BTBD9: variants seen among roughly 807,000 people sequenced by gnomAD.
The protein encoded by BTBD9 is BTB domain containing 9.
In BTBD9, 49 loss-of-function variants were observed where a neutral mutation model predicts 64.3. The ratio of observed to expected loss-of-function variants is 0.76; its 90% CI spans 0.61 to 0.97. The LOEUF is 0.97. Ranked by LOEUF, BTBD9 falls within the 50% of genes least tolerant of loss-of-function variation. The probability of loss-of-function intolerance (pLI) is 0.00; values close to 1 mark genes in which losing one functional copy is unlikely to be tolerated. For synonymous variants in BTBD9, 260 were observed against 274.7 expected (o/e 0.95, Z 0.53); for missense variants, 598 against 762.1 (o/e 0.78, Z 2.53).
chr6:38,376,637 T>A (rs1230886370), intron 6 of BTBD9, among the ~76,000 whole-genome samples: 1 of 152,180 alleles, frequency 6.6e-6, no homozygotes, highest in African/African-American at 2.4e-5. Context: ...ATATAAATCA[T>A]TAACCCCTAA....
intron 10 of BTBD9, among the ~76,000 whole-genome samples, chr6:38,185,454 T>C (rs1761774811): frequency 6.6e-6 from 1 of 152,210 alleles, no homozygotes; most frequent in Non-Finnish European, 1.5e-5. Context: ...CATTGCCGTC[T>C]ATTATGCCTT....
At chr6:38,216,445 C>T (rs551641769) in intron 9 of BTBD9, among the ~76,000 whole-genome samples, 84 of 152,160 alleles carry the variant, frequency 5.5e-4, no homozygotes, top group African/African-American at 1.9e-3. Flanking sequence ...AAGCCTTCTG[C>T]AGAAATGGAA....
At chr6:38,517,333 C>T (rs989788165) in intron 6 of BTBD9, among the ~76,000 whole-genome samples, 1 of 152,116 alleles carries the variant, frequency 6.6e-6, no homozygotes, top group African/African-American at 2.4e-5. Flanking sequence ...CAAAGTAATG[C>T]TACAGCAAAA....
rs1297743600 is a variant in BTBD9 at position 38,171,882 on chromosome 6, ATAATAATAAT to A, written c.*3093_*3102del. On this transcript the variant is annotated 3_prime_UTR_variant, in exon 11 of 11. Coordinates refer to ENST00000481247, the MANE Select transcript of BTBD9 (RefSeq NM_001099272.2). ...AAAAAAAAAAAAAAAAAAAAAAAAA[ATAATAATAAT>A]AATAATAATAATAATAATGAAAAGT... 1 of 98,828 alleles carries A rather than the reference ATAATAATAAT, an allele frequency of 1.0e-5. No individual in the cohort carries two copies. The highest frequency in any genetic ancestry group is 3.5e-4 in the South Asian group (1 of 2,834). The allele number at this position is 98,828 out of a possible 1,614,324, so 6.1% of individuals were successfully genotyped here.
At chr6:38,510,447 A>G (rs1158923621) in intron 6 of BTBD9, among the ~76,000 whole-genome samples, 4 of 152,244 alleles carry the variant, frequency 2.6e-5, no homozygotes, top group Non-Finnish European at 4.4e-5. Flanking sequence ...GTAAAGGCCT[A>G]GAACATTACT....
intron 6 of BTBD9, among the ~76,000 whole-genome samples, chr6:38,448,222 G>A (rs1369468546): frequency 6.6e-6 from 1 of 152,140 alleles, no homozygotes; most frequent in Non-Finnish European, 1.5e-5. Flanking sequence ...TGGAATGAGG[G>A]GAAAGCACAG....
intron 7 of BTBD9, among the ~76,000 whole-genome samples, chr6:38,318,504 G>C (rs574058802): frequency 1.3e-5 from 2 of 152,196 alleles, no homozygotes; most frequent in African/African-American, 4.8e-5. Flanking sequence ...CAGTAATGCT[G>C]TAGTTCTTAT....
intron 6 of BTBD9, among the ~76,000 whole-genome samples, chr6:38,475,856 A>T (rs1166671525): frequency 6.6e-6 from 1 of 152,156 alleles, no homozygotes; most frequent in African/African-American, 2.4e-5. Context: ...TGAGTTCTAA[A>T]GGTCCAGAGA....
chr6:38,284,200 A>T (rs774855508), intron 8 of BTBD9, among the ~76,000 whole-genome samples: 1 of 152,188 alleles, frequency 6.6e-6, no homozygotes, highest in Non-Finnish European at 1.5e-5. Flanking sequence ...TGGGAAAAAA[A>T]AGCGGGCTTA....
At chr6:38,386,085 C>T (rs896269386) in intron 6 of BTBD9, among the ~76,000 whole-genome samples, 3 of 152,128 alleles carry the variant, frequency 2.0e-5, no homozygotes, top group Non-Finnish European at 2.9e-5. Flanking sequence ...TGAGCCACCA[C>T]GCCCAACAAT....
At chr6:38,267,136 GC>G (rs1401183518) in intron 8 of BTBD9, among the ~76,000 whole-genome samples, 1 of 152,226 alleles carries the variant, frequency 6.6e-6, no homozygotes, top group Non-Finnish European at 1.5e-5. Context: ...ATAGGGCTTA[GC>G]TCCCAGGCAT....
At chr6:38,175,847 C>A (rs905077181) in intron 10 of BTBD9, among the ~76,000 whole-genome samples, 6 of 152,256 alleles carry the variant, frequency 3.9e-5, no homozygotes, top group Non-Finnish European at 4.4e-5. Context: ...CCCTGCTAAG[C>A]AGCCGTGCTG....
chr6:38,628,658 A>G (rs1422233814), intron 1 of BTBD9, among the ~76,000 whole-genome samples: 1 of 152,196 alleles, frequency 6.6e-6, no homozygotes, highest in Non-Finnish European at 1.5e-5. Context: ...ATACACATAC[A>G]TTGAAACTGA....
intron 7 of BTBD9, among the ~76,000 whole-genome samples, chr6:38,333,866 C>G (rs189917371): frequency 6.8e-4 from 104 of 152,256 alleles, no homozygotes; most frequent in African/African-American, 2.4e-3. Flanking sequence ...AATGTGGAAG[C>G]AACTTTGGAA....
At chr6:38,328,363 T>C (rs1763520862) in intron 7 of BTBD9, among the ~76,000 whole-genome samples, 1 of 152,088 alleles carries the variant, frequency 6.6e-6, no homozygotes, top group Non-Finnish European at 1.5e-5. Flanking sequence ...ATATGACTGA[T>C]GTCCTTATAA....
intron 9 of BTBD9, among the ~76,000 whole-genome samples, chr6:38,245,995 C>T (rs1316685739): frequency 6.6e-6 from 1 of 152,212 alleles, no homozygotes; most frequent in South Asian, 2.1e-4. Flanking sequence ...GAAATAGGAG[C>T]TCTCAGATTC....
At chr6:38,546,896 G>A (rs570597233) in intron 6 of BTBD9, among the ~76,000 whole-genome samples, 2 of 152,100 alleles carry the variant, frequency 1.3e-5, no homozygotes, top group South Asian at 2.1e-4. Flanking sequence ...TCGAACTCCC[G>A]ACCTCAGGCG....
At chr6:38,188,420 G>A (rs1050885415) in intron 10 of BTBD9, among the ~76,000 whole-genome samples, 1 of 152,200 alleles carries the variant, frequency 6.6e-6, no homozygotes, top group Non-Finnish European at 1.5e-5. Context: ...TGCTCTGCCC[G>A]CCTCTCTCTT....
chr6:38,293,828 A>G (rs933961331), intron 7 of BTBD9, among the ~76,000 whole-genome samples: 1 of 152,252 alleles, frequency 6.6e-6, no homozygotes. Flanking sequence ...ATGGGATCTA[A>G]TTGAACTAAA....
Sources: allele counts gnomAD v4.1 joint callset (sites outside exome capture counted in the v4.1 genomes callset), GRCh38; gene constraint gnomAD v4.1.1; transcripts MANE v1.5; gene names NCBI Gene and HGNC (gene_info 2026-07-23, HGNC 2026-07-21).